The following NYAP2 variants were observed in gnomAD, a reference collection of about 807,000 sequenced individuals.
NYAP2 encodes neuronal tyrosine-phosphorylated phosphoinositide-3-kinase adaptor 2, also known as neuronal tyrosine-phosphorylated phosphoinositide-3-kinase adapter 2.
Under a neutral mutation model 50.4 loss-of-function variants are expected in NYAP2, and 23 were observed. That is an observed-to-expected ratio of 0.46 (90% confidence interval 0.33 to 0.65). The LOEUF (loss-of-function observed/expected upper bound fraction) is 0.65, where lower values mean the gene tolerates loss of function less well. Among genes scored for constraint, NYAP2 ranks in the 30% least tolerant of loss-of-function variants. NYAP2 has a pLI of 0.02. For synonymous variants in NYAP2, 394 were observed against 365.2 expected (o/e 1.08, Z -0.90); for missense variants, 885 against 861.0 (o/e 1.03, Z -0.35).
the NYAP2 span, chr2:225,699,237 C>A: frequency 6.6e-6 from 1 of 151,930 alleles, no homozygotes; most frequent in South Asian, 2.1e-4. Flanking sequence ...TTAGTAATAA[C>A]TAAGCAATGG....
intron 4 of NYAP2, among the ~76,000 whole-genome samples, chr2:225,581,064 G>A (rs948150189): frequency 4.6e-5 from 7 of 152,204 alleles, no homozygotes; most frequent in African/African-American, 1.7e-4. Flanking sequence ...ATTGTATGAT[G>A]TCAGAAGTTT....
intron 3 of NYAP2, among the ~76,000 whole-genome samples, chr2:225,461,340 C>G (rs906761433): frequency 2.0e-5 from 3 of 152,204 alleles, no homozygotes; most frequent in African/African-American, 7.2e-5. Context: ...TGTGCACAAC[C>G]CTCCATACAT....
intron 3 of NYAP2, among the ~76,000 whole-genome samples, chr2:225,509,224 C>G (rs1690766658): frequency 6.6e-6 from 1 of 152,142 alleles, no homozygotes; most frequent in East Asian, 1.9e-4. Flanking sequence ...CATAACCTTT[C>G]TGGGCCAGGG....
chr2:225,514,854 G>A (rs1253668153), intron 4 of NYAP2, among the ~76,000 whole-genome samples: 2 of 152,226 alleles, frequency 1.3e-5, no homozygotes, highest in South Asian at 4.1e-4. Context: ...CTGAGCTCTA[G>A]GGTACCAAGT....
At chr2:225,447,772 T>C (rs1197542422) in intron 3 of NYAP2, among the ~76,000 whole-genome samples, 1 of 152,168 alleles carries the variant, frequency 6.6e-6, no homozygotes, top group Non-Finnish European at 1.5e-5. Context: ...AATTGATGTC[T>C]TCTACATTCT....
At chr2:225,463,956 A>G (rs1689875911) in intron 3 of NYAP2, among the ~76,000 whole-genome samples, 1 of 152,216 alleles carries the variant, frequency 6.6e-6, no homozygotes, top group African/African-American at 2.4e-5. Flanking sequence ...GATTACAGCT[A>G]GAATGCAACA....
intron 3 of NYAP2, among the ~76,000 whole-genome samples, chr2:225,488,703 A>T (rs1241723924): frequency 1.3e-5 from 2 of 152,122 alleles, no homozygotes; most frequent in African/African-American, 2.4e-5. Context: ...GAGCCACCAC[A>T]TCCAGCCTTT....
intron 3 of NYAP2, among the ~76,000 whole-genome samples, chr2:225,490,917 G>A (rs905902198): frequency 5.3e-5 from 8 of 152,168 alleles, no homozygotes; most frequent in Non-Finnish European, 1.0e-4. Flanking sequence ...CCTGCATGGA[G>A]CATTACACTC....
chr2:225,655,629 G>T (rs1693808532), downstream of NYAP2, among the ~76,000 whole-genome samples: 3 of 152,170 alleles, frequency 2.0e-5, no homozygotes, highest in South Asian at 6.2e-4. Context: ...ATGCTCATGT[G>T]ATTCCTCCAT....
chr2:225,476,899 G>T (rs1286872128), intron 3 of NYAP2, among the ~76,000 whole-genome samples: 3 of 152,036 alleles, frequency 2.0e-5, no homozygotes, highest in African/African-American at 7.2e-5. Context: ...TTGTGAATTT[G>T]TATAATTGAC....
chr2:225,404,484 A>G (rs1175648805), intron 2 of NYAP2, among the ~76,000 whole-genome samples: 6 of 151,984 alleles, frequency 3.9e-5, no homozygotes, highest in Non-Finnish European at 7.4e-5. Context: ...AGCATTGGAA[A>G]AGTATAATGA....
intron 4 of NYAP2, among the ~76,000 whole-genome samples, chr2:225,544,718 A>G (rs1487755407): frequency 6.6e-6 from 1 of 152,070 alleles, no homozygotes; most frequent in Non-Finnish European, 1.5e-5. Flanking sequence ...TAGTTTATAT[A>G]CCACAATTAC....
chr2:225,514,776 G>A lies in NYAP2; in HGVS notation c.523+1104G>A, dbSNP rs1690896724. Among the ~76,000 whole-genome samples the A allele has an allele frequency of 2.0e-5, 3 of 152,152 alleles. No homozygotes were observed. In the South Asian group the frequency reaches 6.2e-4, roughly 32 times the overall value. ...CCAATGCTGCCAGTGACCAGTTTGAGAGAGGCGTTCCACCAGGTCCCATAG... is the reference window on the plus strand; with the variant it reads ...CCAATGCTGCCAGTGACCAGTTTGAAAGAGGCGTTCCACCAGGTCCCATAG... On this transcript the variant is annotated intron_variant, in intron 4 of 6. Coordinates refer to ENST00000636099, the Ensembl canonical transcript of NYAP2.
exon 6 of NYAP2, chr2:225,627,075 C>T: frequency 6.3e-7 from 1 of 1,597,500 alleles, no homozygotes; most frequent in Middle Eastern, 1.7e-4. Context: ...CACCAGTCGA[C>T]TAGGAAGATG....
intron 3 of NYAP2, among the ~76,000 whole-genome samples, chr2:225,463,630 A>T (rs2106155210): frequency 6.6e-6 from 1 of 152,372 alleles, no homozygotes; most frequent in South Asian, 2.1e-4. Flanking sequence ...TGCCATTTGG[A>T]TAAATTGTGC....
At chr2:225,480,462 A>G (rs2106164719) in intron 3 of NYAP2, among the ~76,000 whole-genome samples, 1 of 152,238 alleles carries the variant, frequency 6.6e-6, no homozygotes, top group African/African-American at 2.4e-5. Flanking sequence ...AGGGCATTTG[A>G]GCTAGCACTT....
intron 6 of NYAP2, among the ~76,000 whole-genome samples, chr2:225,651,196 A>C (rs545557157): frequency 1.3e-5 from 2 of 152,340 alleles, no homozygotes; most frequent in Admixed American, 1.3e-4. Flanking sequence ...AAAATGTGCA[A>C]AGGCACAAGG....
chr2:225,474,760 G>T (rs1228444485), intron 3 of NYAP2, among the ~76,000 whole-genome samples: 1 of 152,202 alleles, frequency 6.6e-6, no homozygotes, highest in Non-Finnish European at 1.5e-5. Flanking sequence ...CTGCAAACAA[G>T]GACAATTTGA....
At chr2:225,571,266 G>T (rs11893333) in intron 4 of NYAP2, among the ~76,000 whole-genome samples, 28,882 of 152,160 alleles carry the variant, frequency 0.19, 3,185 homozygotes, top group African/African-American at 0.31. Context: ...CTGGGGTCTG[G>T]AGGACGGTGG....
Sources: gnomAD v4.1 joint callset for allele counts (sites outside exome capture counted in the v4.1 genomes callset) on GRCh38, gnomAD v4.1.1 for gene constraint, MANE v1.5 for transcripts, NCBI Gene and HGNC (gene_info 2026-07-23, HGNC 2026-07-21) for gene names.